MARCHF11: variants seen among roughly 807,000 people sequenced by gnomAD.
MARCHF11 encodes the protein E3 ubiquitin-protein ligase MARCHF11.
Under a neutral mutation model 37.3 loss-of-function variants are expected in MARCHF11, and 29 were observed. The observed-to-expected ratio is 0.78, with a 90% CI of 0.58 to 1.06. MARCHF11 has a LOEUF of 1.06. Among genes scored for constraint, MARCHF11 ranks in the 50% least tolerant of loss-of-function variants. The pLI, the probability that MARCHF11 is intolerant of heterozygous loss-of-function variation, is 0.00. For synonymous variants in MARCHF11, 233 were observed against 228.0 expected (o/e 1.02, Z -0.20); for missense variants, 482 against 533.4 (o/e 0.90, Z 0.95).
intron 3 of MARCHF11, among the ~76,000 whole-genome samples, chr5:16,073,655 A>G (rs970514538): frequency 6.6e-6 from 1 of 151,268 alleles, no homozygotes; most frequent in Non-Finnish European, 1.5e-5. Flanking sequence ...TATGCAAAAG[A>G]TAAAACGTAA....
intron 2 of MARCHF11, among the ~76,000 whole-genome samples, chr5:16,101,546 C>A (rs954909041): frequency 1.3e-5 from 2 of 152,114 alleles, no homozygotes; most frequent in African/African-American, 4.8e-5. Flanking sequence ...TAGATTTTGC[C>A]CCATATGAAT....
intron 2 of MARCHF11, among the ~76,000 whole-genome samples, chr5:16,107,701 T>C (rs1431495579): frequency 6.6e-6 from 1 of 151,876 alleles, no homozygotes; most frequent in South Asian, 2.1e-4. Flanking sequence ...CGCCCCCCTA[T>C]CCTGTACCCA....
At chr5:16,096,528 G>T (rs1051971023) in intron 2 of MARCHF11, among the ~76,000 whole-genome samples, 3 of 152,182 alleles carry the variant, frequency 2.0e-5, no homozygotes, top group Admixed American at 6.5e-5. Context: ...GGGAGGTTCC[G>T]TGTTAGTGGA....
At chr5:16,173,415 C>T (rs1205674931) in intron 2 of MARCHF11, among the ~76,000 whole-genome samples, 1 of 152,146 alleles carries the variant, frequency 6.6e-6, no homozygotes, top group African/African-American at 2.4e-5. Flanking sequence ...CTGTGCTTGG[C>T]CACATTTAAG....
intron 2 of MARCHF11, among the ~76,000 whole-genome samples, chr5:16,095,953 C>T (rs896067973): frequency 5.3e-5 from 8 of 152,198 alleles, no homozygotes; most frequent in Admixed American, 4.6e-4. Flanking sequence ...ATCCAACTGC[C>T]AGATTTGCAT....
intron 2 of MARCHF11, among the ~76,000 whole-genome samples, chr5:16,124,904 T>C (rs1737376449): frequency 6.6e-6 from 1 of 151,454 alleles, no homozygotes; most frequent in Non-Finnish European, 1.5e-5. Flanking sequence ...ATACTTCTAA[T>C]AACCTCTTAG....
chr5:16,179,134 G>A lies in MARCHF11; in HGVS notation c.442C>T (p.Arg148Cys), dbSNP rs1738419017. The A allele has an allele frequency of 2.0e-6, 3 of 1,489,488 alleles. No homozygotes were observed. The highest frequency in any genetic ancestry group is 2.7e-6 in the Non-Finnish European group (3 of 1,126,710). 92.3% of individuals were successfully genotyped at this position (1,489,488 alleles called of 1,614,324 possible). The change falls in exon 1 of 4, where the codon CGC becomes TGC. Residue 148 changes from arginine (R) to cysteine (C), a missense_variant. Coordinates refer to ENST00000332432, the MANE Select transcript of MARCHF11 (RefSeq NM_001102562.3). Reference sequence around the variant, plus strand: ...TCGCCGCCGCCACTGCTGCTGCTGCGGCTGCTGCACACCGAGCGCGTCTCG... The same window carrying A: ...TCGCCGCCGCCACTGCTGCTGCTGCAGCTGCTGCACACCGAGCGCGTCTCG... ...QPETRSVCSS[R>C]SSSSGGGDQR... is the part of the protein sequence containing the mutation.
chr5:16,124,582 G>A (rs1340894324), intron 2 of MARCHF11, among the ~76,000 whole-genome samples: 1 of 152,150 alleles, frequency 6.6e-6, no homozygotes, highest in Non-Finnish European at 1.5e-5. Flanking sequence ...CACCAATGAA[G>A]TTTCTACATG....
chr5:16,177,578 T>G, intron 2 of MARCHF11, 148 bp downstream of exon 2: 1 of 555,474 alleles, frequency 1.8e-6, no homozygotes, highest in Non-Finnish European at 2.8e-6. Flanking sequence ...CAAAAACACA[T>G]GTTTACAAAT....
At chr5:16,149,275 C>T (rs941665521) in intron 2 of MARCHF11, among the ~76,000 whole-genome samples, 1 of 151,984 alleles carries the variant, frequency 6.6e-6, no homozygotes, top group Non-Finnish European at 1.5e-5. Flanking sequence ...AGATCTACGG[C>T]CTGAATTAAA....
At chr5:16,076,433 C>G (rs911657132) in intron 3 of MARCHF11, among the ~76,000 whole-genome samples, 1 of 152,046 alleles carries the variant, frequency 6.6e-6, no homozygotes, top group African/African-American at 2.4e-5. Context: ...AAGTCCAATA[C>G]TTTTATAGAT....
At chr5:16,127,634 G>T (rs958181811) in intron 2 of MARCHF11, among the ~76,000 whole-genome samples, 18 of 152,330 alleles carry the variant, frequency 1.2e-4, no homozygotes, top group Middle Eastern at 3.4e-3. Context: ...ATCTGCCATT[G>T]TTCCCCAGCA....
chr5:16,069,577 A>G (rs1736401388), intron 3 of MARCHF11, among the ~76,000 whole-genome samples: 1 of 152,286 alleles, frequency 6.6e-6, no homozygotes, highest in Admixed American at 6.5e-5. Context: ...GGAGATAGTA[A>G]GGAGGTCACC....
chr5:16,137,105 C>G (rs1030026808), intron 2 of MARCHF11, among the ~76,000 whole-genome samples: 6 of 152,154 alleles, frequency 3.9e-5, no homozygotes, highest in African/African-American at 1.4e-4. Flanking sequence ...TAACTAAGCC[C>G]TCATTATGTT....
rs185972832 is a variant in MARCHF11 at position 16,155,040 on chromosome 5, T to C, written c.693+22686A>G. ...GTGTCTGTAGGGTTTGACACATCAT[T>C]TTTATTACAGAGGAAAATGAGAAAC... is the stretch of plus-strand genomic sequence containing the variant. On this transcript the variant is annotated intron_variant, in intron 2 of 3. Transcript: ENST00000332432. 3.2e-3 allele frequency among the ~76,000 whole-genome samples: 487 copies of C among 151,972 alleles called. 2 individuals carry two copies. Among genetic ancestry groups the C allele is most frequent in the African/African-American group, 0.011 (469 of 41,506 alleles).
intron 2 of MARCHF11, among the ~76,000 whole-genome samples, chr5:16,176,916 C>T (rs894806011): frequency 1.3e-5 from 2 of 152,092 alleles, no homozygotes; most frequent in Non-Finnish European, 2.9e-5. Flanking sequence ...CTTCAGCCTA[C>T]CAGATAACAT....
chr5:16,105,816 C>T (rs1394827105), intron 2 of MARCHF11, among the ~76,000 whole-genome samples: 1 of 151,870 alleles, frequency 6.6e-6, no homozygotes, highest in African/African-American at 2.4e-5. Context: ...TTCATTTTAT[C>T]TTTCACTTGC....
chr5:16,121,696 G>A (rs1414152961), intron 2 of MARCHF11, among the ~76,000 whole-genome samples: 1 of 152,076 alleles, frequency 6.6e-6, no homozygotes, highest in Non-Finnish European at 1.5e-5. Flanking sequence ...TGTTCTCAAC[G>A]GCAGCTAACT....
intron 2 of MARCHF11, among the ~76,000 whole-genome samples, chr5:16,111,207 G>A (rs375531086): frequency 7.9e-5 from 12 of 152,198 alleles, no homozygotes; most frequent in African/African-American, 2.4e-4. Flanking sequence ...ATGTGGAAGC[G>A]ACTTTGGAAC....
Sources: gnomAD v4.1 joint callset for allele counts (sites outside exome capture counted in the v4.1 genomes callset) on GRCh38, gnomAD v4.1.1 for gene constraint, MANE v1.5 for transcripts, NCBI Gene and HGNC (gene_info 2026-07-23, HGNC 2026-07-21) for gene names.